ADAMTS9: variants seen among roughly 807,000 people sequenced by gnomAD.
The protein encoded by ADAMTS9 is ADAM metallopeptidase with thrombospondin type 1 motif 9.
A neutral mutation model predicts 257.1 loss-of-function variants in ADAMTS9; 107 were observed. The observed-to-expected ratio is 0.42, with a 90% CI of 0.36 to 0.49. The LOEUF is 0.49. Among genes scored for constraint, ADAMTS9 ranks in the 20% least tolerant of loss-of-function variants. The pLI is 0.03. For synonymous variants in ADAMTS9, 982 were observed against 880.9 expected, an observed-to-expected ratio of 1.11 and a Z score of -2.03; for missense variants, 2,353 against 2,469.1, an observed-to-expected ratio of 0.95 and a Z score of 1.00.
chr3:64,614,729 G>A lies in ADAMTS9; in HGVS notation c.3189+592C>T, dbSNP rs997006940. On this transcript the variant is annotated intron_variant, in intron 21 of 39. Transcript: ENST00000498707. ...AAAGAGGCTGCATCTTCTTTCTCTT[G>A]TTGTCCTGGGACCATCTGTGCTAAG... 2.8e-5 allele frequency: 4 copies of A among 144,182 alleles called. No homozygotes were observed. The East Asian group carries it at 5.8e-4, about 21-fold the overall frequency. The allele number at this position is 144,182 out of a possible 1,614,324, so 8.9% of individuals were successfully genotyped here.
chr3:64,675,085 A>G (rs13434166), intron 3 of ADAMTS9, among the ~76,000 whole-genome samples: 4,838 of 152,228 alleles, frequency 0.032, 135 homozygotes, highest in East Asian at 0.12. Flanking sequence ...CAGTCAAATC[A>G]ATACCGAGGC....
chr3:64,604,613 T>C (rs1200703468), intron 23 of ADAMTS9, among the ~76,000 whole-genome samples: 1 of 152,102 alleles, frequency 6.6e-6, no homozygotes, highest in Non-Finnish European at 1.5e-5. Context: ...AGAGAAAAAA[T>C]ATTGTAAAAG....
At chr3:64,631,063 A>G (rs1044240033) in intron 16 of ADAMTS9, among the ~76,000 whole-genome samples, 1 of 152,232 alleles carries the variant, frequency 6.6e-6, no homozygotes, top group Admixed American at 6.5e-5. Context: ...AGCTGATAAC[A>G]TAAAAATTAA....
At chr3:64,682,598 G>T (rs1322747788) in intron 2 of ADAMTS9, among the ~76,000 whole-genome samples, 1 of 152,006 alleles carries the variant, frequency 6.6e-6, no homozygotes, top group Non-Finnish European at 1.5e-5. Flanking sequence ...CTCATTTCCC[G>T]TGCTGGAAAA....
At chr3:64,677,777 A>G (rs1250224994) in intron 3 of ADAMTS9, among the ~76,000 whole-genome samples, 1 of 152,190 alleles carries the variant, frequency 6.6e-6, no homozygotes, top group African/African-American at 2.4e-5. Context: ...TTGAAGTCAT[A>G]CAACTAACCA....
At chr3:64,561,503 A>G in intron 30 of ADAMTS9, 75 bp downstream of exon 30, 1 of 1,485,186 alleles carries the variant, frequency 6.7e-7, no homozygotes, top group African/African-American at 1.4e-5. Flanking sequence ...CTGGCTTTAT[A>G]GGGAACAGAT....
Position 64,687,052 on chromosome 3 carries a change from T to C in ADAMTS9, c.116-84A>G. ...TAAAACGAAGGTGGGGACTTTGTTC[T>C]GACCTTATTTTCCAGCCCATTCGAG... On this transcript the variant is annotated intron_variant, in intron 1 of 39. Coordinates refer to ENST00000498707, the MANE Select transcript of ADAMTS9 (RefSeq NM_182920.2). This position sits in a 1 kb window ranked among gnomAD's most constrained non-coding sequence, Gnocchi z 4.4. 1 of 1,482,514 alleles carries C rather than the reference T, an allele frequency of 6.7e-7. No homozygotes were observed. Among genetic ancestry groups the C allele is most frequent in the Non-Finnish European group, 9.1e-7 (1 of 1,099,320 alleles). The allele number at this position is 1,482,514 out of a possible 1,614,324, so 91.8% of individuals were successfully genotyped here.
chr3:64,567,412 G>C (rs2083571747), intron 29 of ADAMTS9, among the ~76,000 whole-genome samples: 1 of 152,162 alleles, frequency 6.6e-6, no homozygotes, highest in Admixed American at 6.5e-5. Flanking sequence ...TGGAGAGAAG[G>C]AGCAGCATTA....
In ADAMTS9 at chr3:64,531,743, T is replaced by G. The variant is rs2106890417; in HGVS notation, c.5718+1423A>C. Reference sequence around the variant, plus strand: ...TATTTGAAATTCTAATTTAACTGGGTGTCCTGTATTTTATCTGGCCGTTCT... The same window carrying G: ...TATTTGAAATTCTAATTTAACTGGGGGTCCTGTATTTTATCTGGCCGTTCT... On this transcript the variant is annotated intron_variant, in intron 38 of 39. Coordinates refer to ENST00000498707, the MANE Select transcript of ADAMTS9 (RefSeq NM_182920.2). Among the ~76,000 whole-genome samples, 3 of 152,290 alleles carry G rather than the reference T, an allele frequency of 2.0e-5. No individual in the cohort carries two copies. In the Middle Eastern group the frequency reaches 0.01, roughly 518 times the overall value.
intron 12 of ADAMTS9, among the ~76,000 whole-genome samples, chr3:64,638,579 G>A (rs1031698707): frequency 3.3e-5 from 5 of 152,066 alleles, no homozygotes; most frequent in Admixed American, 2.6e-4. Context: ...CTTATCTGTA[G>A]GGCATGGATC....
intron 12 of ADAMTS9, among the ~76,000 whole-genome samples, chr3:64,634,814 G>T (rs1358047777): frequency 6.6e-6 from 1 of 152,152 alleles, no homozygotes; most frequent in Non-Finnish European, 1.5e-5. Flanking sequence ...GAATCTTTCA[G>T]AGTAATCTGG....
At chr3:64,620,834 C>T (rs1157681262) in intron 19 of ADAMTS9, among the ~76,000 whole-genome samples, 3 of 152,128 alleles carry the variant, frequency 2.0e-5, no homozygotes, top group Admixed American at 1.3e-4. Flanking sequence ...AATCATAATG[C>T]TAATACCTAC....
intron 16 of ADAMTS9, among the ~76,000 whole-genome samples, chr3:64,630,094 G>A (rs1312511588): frequency 2.0e-5 from 3 of 150,980 alleles, no homozygotes; most frequent in African/African-American, 7.4e-5. Context: ...TGCCCAGCAA[G>A]ACAGCTCTAA....
chr3:64,629,755 G>A (rs1700321005), intron 16 of ADAMTS9, among the ~76,000 whole-genome samples: 1 of 152,116 alleles, frequency 6.6e-6, no homozygotes, highest in African/African-American at 2.4e-5. Flanking sequence ...TGTTCATTGT[G>A]CCTAGAACAG....
chr3:64,526,408 G>A (rs2082911060), intron 38 of ADAMTS9, among the ~76,000 whole-genome samples: 1 of 152,110 alleles, frequency 6.6e-6, no homozygotes, highest in African/African-American at 2.4e-5. Flanking sequence ...AAAATTCGTA[G>A]GCATTTGATG....
intron 38 of ADAMTS9, among the ~76,000 whole-genome samples, chr3:64,532,654 C>T (rs1575985758): frequency 6.6e-6 from 1 of 152,166 alleles, no homozygotes; most frequent in Admixed American, 6.5e-5. Flanking sequence ...GCGTAGACCA[C>T]ACCTTAACCA....
chr3:64,553,766 C>T (rs2083298200), intron 30 of ADAMTS9, among the ~76,000 whole-genome samples: 6 of 152,064 alleles, frequency 3.9e-5, no homozygotes, highest in Admixed American at 3.9e-4. Flanking sequence ...ATAAACATAA[C>T]TTGAAACCAC....
At chr3:64,683,645 T>C (rs1328416050) in intron 2 of ADAMTS9, among the ~76,000 whole-genome samples, 4 of 152,206 alleles carry the variant, frequency 2.6e-5, no homozygotes, top group Non-Finnish European at 5.9e-5. Context: ...GCTCAATAAA[T>C]CATATCAATG....
intron 3 of ADAMTS9, among the ~76,000 whole-genome samples, chr3:64,663,417 T>G (rs1701272464): frequency 6.9e-6 from 1 of 144,274 alleles, no homozygotes; most frequent in Non-Finnish European, 1.5e-5. Flanking sequence ...CAGGAAATGT[T>G]GTATGGAATT....
Sources: allele counts gnomAD v4.1 joint callset (sites outside exome capture counted in the v4.1 genomes callset), GRCh38; gene constraint gnomAD v4.1.1; non-coding constraint Gnocchi (gnomAD v3.1); transcripts MANE v1.5; gene names NCBI Gene and HGNC (gene_info 2026-07-23, HGNC 2026-07-21).